NFIA: variants seen among roughly 807,000 people sequenced by gnomAD.
NFIA encodes nuclear factor 1 A-type.
A neutral mutation model predicts 62.8 loss-of-function variants in NFIA; 8 were observed. The observed-to-expected ratio is 0.13, with a 90% confidence interval of 0.07 to 0.23. NFIA has a LOEUF of 0.23. Among genes scored for constraint, NFIA ranks in the 10% least tolerant of loss-of-function variants. The probability of loss-of-function intolerance (pLI) is 1.00; values close to 1 mark genes in which losing one functional copy is unlikely to be tolerated. For synonymous variants in NFIA, 235 were observed against 238.1 expected (o/e 0.99, Z 0.12); for missense variants, 410 against 642.1 (o/e 0.64, Z 3.91).
upstream of NFIA, chr1:61,081,917 T>G (rs1646100446): frequency 1.3e-6 from 2 of 1,548,712 alleles, no homozygotes; most frequent in Non-Finnish European, 1.7e-6. Context: ...ACCTAGGAGG[T>G]CTGATTTTTC....
At chr1:61,249,231 C>T (rs937032182) in intron 2 of NFIA, 14 of 152,014 alleles carry the variant, frequency 9.2e-5, no homozygotes, top group Non-Finnish European at 1.9e-4. Flanking sequence ...AAAATGGCCA[C>T]AAGAATTAAG....
At chr1:61,156,409 G>T (rs929082582) in intron 2 of NFIA, among the ~76,000 whole-genome samples, 5 of 152,072 alleles carry the variant, frequency 3.3e-5, no homozygotes, top group Non-Finnish European at 7.3e-5. Context: ...GTAGCACTGG[G>T]CATTACTTTT....
intron 6 of NFIA, among the ~76,000 whole-genome samples, chr1:61,362,776 A>T (rs1312632358): frequency 6.6e-6 from 1 of 152,210 alleles, no homozygotes; most frequent in Non-Finnish European, 1.5e-5. Flanking sequence ...TCTCGTACTT[A>T]GTTTTGTTTC....
intron 2 of NFIA, among the ~76,000 whole-genome samples, chr1:61,128,076 G>A (rs1647006528): frequency 1.3e-5 from 2 of 152,014 alleles, no homozygotes; most frequent in African/African-American, 2.4e-5. Flanking sequence ...CTAAAAATGC[G>A]CTTGTACTGA....
chr1:61,087,703 T>C (rs998402551), intron 1 of NFIA, among the ~76,000 whole-genome samples: 1 of 152,194 alleles, frequency 6.6e-6, no homozygotes, highest in Non-Finnish European at 1.5e-5. Flanking sequence ...GGCATCTAAA[T>C]GTTTAGGATT....
intron 2 of NFIA, among the ~76,000 whole-genome samples, chr1:61,218,869 C>T (rs576805103): frequency 6.6e-6 from 1 of 152,248 alleles, no homozygotes; most frequent in South Asian, 2.1e-4. Context: ...ACTTATAGAT[C>T]ATCTTTGTAA....
intron 2 of NFIA, among the ~76,000 whole-genome samples, chr1:61,264,231 G>A (rs897068377): frequency 9.9e-5 from 15 of 152,142 alleles, no homozygotes; most frequent in African/African-American, 2.9e-4. Context: ...AGTTCCAATC[G>A]CCCTCTTGGA....
rs115356191 is a variant in NFIA at position 61,363,328 on chromosome 1, G to T, written c.946+4054G>T. On this transcript the variant is annotated intron_variant, in intron 6 of 10. Transcript: ENST00000403491. Reference sequence around the variant, plus strand: ...CTTTAGTTAAAACGTTATAAAGCCGGGTGTGATGGCTCACGCCTGTAATCC... The same window carrying T: ...CTTTAGTTAAAACGTTATAAAGCCGTGTGTGATGGCTCACGCCTGTAATCC... Among the ~76,000 whole-genome samples the T allele has an allele frequency of 7.3e-3, 1,109 of 152,258 alleles. 15 individuals carry two copies. Among genetic ancestry groups the T allele is most frequent in the African/African-American group, 0.026 (1,073 of 41,544 alleles).
intron 6 of NFIA, among the ~76,000 whole-genome samples, chr1:61,372,672 T>C (rs1663957329): frequency 6.6e-6 from 1 of 152,198 alleles, no homozygotes; most frequent in South Asian, 2.1e-4. Context: ...TTTCCCTTTT[T>C]ATTGTTTTTT....
Position 61,387,090 on chromosome 1 carries a change from AG to A in NFIA, c.1075+3727del, listed in dbSNP as rs1202286118. The stretch of plus-strand genomic sequence containing the variant: ...ACCTATTACCATCACATTGGGGGTT[AG>A]GATTTCAAGATATGGATCCTAGAGG... On this transcript the variant is annotated intron_variant, in intron 7 of 10. Coordinates refer to ENST00000403491, the MANE Select transcript of NFIA (RefSeq NM_001134673.4). 2.0e-5 allele frequency among the ~76,000 whole-genome samples: 3 copies of A among 152,290 alleles called. No homozygotes were observed. The East Asian group carries it at 5.8e-4, about 29-fold the overall frequency.
intron 2 of NFIA, among the ~76,000 whole-genome samples, chr1:61,150,575 G>C (rs334706): frequency 0.93 from 140,923 of 152,204 alleles, 65,427 homozygotes; most frequent in Middle Eastern, 0.97. Context: ...ATTCTTATCT[G>C]ACTTGGCTAG....
At chr1:61,191,910 C>T (rs1217818614) in intron 2 of NFIA, among the ~76,000 whole-genome samples, 4 of 152,106 alleles carry the variant, frequency 2.6e-5, no homozygotes, top group Non-Finnish European at 5.9e-5. Flanking sequence ...TTTTCAAACC[C>T]GTGACTTAAA....
chr1:61,253,763 A>G (rs1656199116), intron 2 of NFIA, among the ~76,000 whole-genome samples: 1 of 152,158 alleles, frequency 6.6e-6, no homozygotes, highest in African/African-American at 2.4e-5. Context: ...TGTTAGAATG[A>G]CCACGTCTAA....
chr1:61,459,144 C>CT lies in NFIA; in HGVS notation c.*3825dup, dbSNP rs1001071987. 6.6e-6 allele frequency: 1 copy of CT among 152,170 alleles called. No homozygotes were observed. The highest frequency in any genetic ancestry group is 2.4e-5 in the African/African-American group (1 of 41,418). The allele number at this position is 152,170 out of a possible 1,614,324, so 9.4% of individuals were successfully genotyped here. A position where few individuals can be genotyped will look rare whatever the true frequency, so the allele number is the denominator to read the frequency against. On this transcript the variant is annotated 3_prime_UTR_variant, in exon 11 of 11. Coordinates refer to ENST00000403491, the MANE Select transcript of NFIA (RefSeq NM_001134673.4). ...TACCTGGGGTGTGTAGACAGACAGA[C>CT]TGAGAGCTATCAGCATTTGAAGGCC...
At chr1:61,408,382 C>T (rs17122178) in intron 9 of NFIA, among the ~76,000 whole-genome samples, 2,766 of 151,958 alleles carry the variant, frequency 0.018, 29 homozygotes, top group African/African-American at 0.021. Context: ...GTGCCCTGCT[C>T]GTTGTGTATT....
intron 2 of NFIA, among the ~76,000 whole-genome samples, chr1:61,201,356 A>G (rs775031785): frequency 3.9e-5 from 6 of 152,158 alleles, no homozygotes; most frequent in Non-Finnish European, 8.8e-5. Context: ...GAACTTTAAA[A>G]TGTAATTCTT....
intron 7 of NFIA, among the ~76,000 whole-genome samples, chr1:61,386,486 C>T (rs1664693181): frequency 6.6e-6 from 1 of 152,220 alleles, no homozygotes. Flanking sequence ...TGTGAGGCTT[C>T]TGCTGCCTTC....
intron 2 of NFIA, among the ~76,000 whole-genome samples, chr1:61,259,240 A>G (rs568009300): frequency 3.7e-4 from 57 of 152,126 alleles, no homozygotes; most frequent in African/African-American, 1.4e-3. Context: ...TTTAGCCTTA[A>G]TTGAAAAATG....
chr1:61,266,505 C>T (rs1398738894), intron 2 of NFIA, among the ~76,000 whole-genome samples: 1 of 152,156 alleles, frequency 6.6e-6, no homozygotes, highest in Non-Finnish European at 1.5e-5. Flanking sequence ...TCAAGCAATT[C>T]TCCTGCCTCA....
Sources: allele counts gnomAD v4.1 joint callset (sites outside exome capture counted in the v4.1 genomes callset), GRCh38; gene constraint gnomAD v4.1.1; transcripts MANE v1.5; gene names NCBI Gene and HGNC (gene_info 2026-07-23, HGNC 2026-07-21).